PTK2: variants seen among roughly 807,000 people sequenced by gnomAD.
PTK2 encodes the protein focal adhesion kinase 1.
In PTK2, 45 loss-of-function variants were observed where a neutral mutation model predicts 150.1. The ratio of observed to expected loss-of-function variants is 0.30; its 90% CI spans 0.24 to 0.38. The LOEUF (loss-of-function observed/expected upper bound fraction) is 0.38, where lower values mean the gene tolerates loss of function less well. Ranked by LOEUF, PTK2 falls within the 10% of genes least tolerant of loss-of-function variation. PTK2 has a pLI of 1.00. For synonymous variants in PTK2, 432 were observed against 449.2 expected, an observed-to-expected ratio of 0.96 and a Z score of 0.48; for missense variants, 919 against 1,307.3, an observed-to-expected ratio of 0.70 and a Z score of 4.58.
rs75501483 is a variant in PTK2 at position 140,970,362 on chromosome 8, G to A, written c.-122+30763C>T. On this transcript the variant is annotated intron_variant, in intron 1 of 31. Coordinates refer to ENST00000522684, the Ensembl canonical transcript of PTK2. ...CAGAGAAGTGAAACATCAGTTAAGC[G>A]AATAAAAATGTCCAAGAGACATTTC... 4.9e-3 allele frequency among the ~76,000 whole-genome samples: 748 copies of A among 152,326 alleles called. 4 individuals carry two copies. The highest frequency in any genetic ancestry group is 0.01 in the Middle Eastern group (3 of 294).
intron 14 of PTK2, among the ~76,000 whole-genome samples, chr8:140,772,606 C>T (rs191629082): frequency 6.6e-6 from 1 of 152,320 alleles, no homozygotes; most frequent in East Asian, 1.9e-4. Flanking sequence ...TAATTATACT[C>T]TGATCACATA....
chr8:140,692,193 C>T (rs975741343), intron 26 of PTK2, among the ~76,000 whole-genome samples: 4 of 152,140 alleles, frequency 2.6e-5, no homozygotes, highest in African/African-American at 4.8e-5. Context: ...ATAAAATCTA[C>T]TTGTGTTCTG....
intron 1 of PTK2, among the ~76,000 whole-genome samples, chr8:140,958,618 G>A (rs987796348): frequency 4.6e-5 from 7 of 152,340 alleles, no homozygotes; most frequent in African/African-American, 1.7e-4. Context: ...CACTTGAAAT[G>A]TAACTAGGCC....
chr8:140,884,077 T>C (rs1247300211), intron 3 of PTK2, among the ~76,000 whole-genome samples: 1 of 152,092 alleles, frequency 6.6e-6, no homozygotes, highest in Non-Finnish European at 1.5e-5. Flanking sequence ...CCTGCTGCAG[T>C]GAAGGACTCA....
At chr8:140,939,810 CTATT>C (rs1333550121) in intron 1 of PTK2, among the ~76,000 whole-genome samples, 3 of 152,190 alleles carry the variant, frequency 2.0e-5, no homozygotes, top group Admixed American at 6.5e-5. Flanking sequence ...CTGGCATTAA[CTATT>C]TATTAGTGAT....
intron 14 of PTK2, among the ~76,000 whole-genome samples, chr8:140,769,253 C>A (rs114041568): frequency 6.6e-6 from 1 of 152,114 alleles, no homozygotes; most frequent in Admixed American, 6.6e-5. Context: ...AGTGTATGGA[C>A]CGCTACCATT....
intron 30 of PTK2, among the ~76,000 whole-genome samples, chr8:140,667,469 T>C (rs1304852792): frequency 1.2e-5 from 1 of 80,646 alleles, no homozygotes; most frequent in African/African-American, 3.7e-5. Flanking sequence ...TCTCTCTCTT[T>C]TTTTTTTTTT....
intron 16 of PTK2, among the ~76,000 whole-genome samples, chr8:140,757,197 A>C: frequency 6.6e-6 from 1 of 152,272 alleles, no homozygotes; most frequent in Non-Finnish European, 1.5e-5. Context: ...AAGCTCAGAG[A>C]TAATTTAGTT....
At chr8:140,901,726 C>T (rs938866185) in intron 2 of PTK2, among the ~76,000 whole-genome samples, 1 of 149,916 alleles carries the variant, frequency 6.7e-6, no homozygotes, top group Non-Finnish European at 1.5e-5. Flanking sequence ...TGTAGGTATA[C>T]ACATGCCATG....
rs1309535775 is a variant in PTK2, at chr8:140,670,491, ACACACAC to A, written c.2710-2074_2710-2068del. Among the ~76,000 whole-genome samples the A allele has an allele frequency of 4.8e-4, 12 of 24,880 alleles. 2 individuals carry two copies. Among genetic ancestry groups the A allele is most frequent in the African/African-American group, 1.1e-3 (12 of 10,976 alleles). The allele number at this position is 24,880 out of a possible 152,430, so 16.3% of individuals were successfully genotyped here. A position where few individuals can be genotyped will look rare whatever the true frequency, so the allele number is the denominator to read the frequency against. On this transcript the variant is annotated intron_variant, in intron 29 of 31. Transcript: ENST00000522684. ...AAAAAAAAAAAAAAAAAACAACAAC[ACACACAC>A]ACACACACACACACACACACACACA... is the stretch of plus-strand genomic sequence containing the variant.
At chr8:140,922,971 G>A (rs138675497) in intron 2 of PTK2, among the ~76,000 whole-genome samples, 3 of 152,252 alleles carry the variant, frequency 2.0e-5, no homozygotes, top group African/African-American at 7.2e-5. Context: ...TAATGCAGTC[G>A]CAGTGACAGA....
At chr8:140,756,217 G>T (rs1329572801) in intron 16 of PTK2, among the ~76,000 whole-genome samples, 1 of 151,852 alleles carries the variant, frequency 6.6e-6, no homozygotes, top group African/African-American at 2.4e-5. Flanking sequence ...CAGCTAGTTG[G>T]GAGGCTGAGG....
At chr8:140,784,886 T>C (rs2100084007) in intron 14 of PTK2, among the ~76,000 whole-genome samples, 1 of 152,240 alleles carries the variant, frequency 6.6e-6, no homozygotes, top group Admixed American at 6.5e-5. Flanking sequence ...CAACATCAAC[T>C]GTCACTGCAA....
At chr8:140,879,554 C>T in exon 4 of PTK2, 4 of 1,613,658 alleles carry the variant, frequency 2.5e-6, no homozygotes, top group Non-Finnish European at 3.4e-6. Flanking sequence ...AGTGAACCTC[C>T]TCTGACCGCA....
intron 20 of PTK2, among the ~76,000 whole-genome samples, chr8:140,740,528 T>C (rs1329344120): frequency 6.6e-6 from 1 of 152,248 alleles, no homozygotes; most frequent in African/African-American, 2.4e-5. Flanking sequence ...GAAGAATCTC[T>C]AACCTTTTGG....
At chr8:140,863,827 CA>C (rs759505077) in intron 5 of PTK2, among the ~76,000 whole-genome samples, 3 of 151,480 alleles carry the variant, frequency 2.0e-5, no homozygotes, top group East Asian at 3.8e-4. Flanking sequence ...TTTATTAAAG[CA>C]AAAAAAATTA....
chr8:140,752,064 CT>C, intron 17 of PTK2, 167 bp downstream of exon 20: 1 of 706,836 alleles, frequency 1.4e-6, no homozygotes, highest in Non-Finnish European at 2.5e-6. Flanking sequence ...CTGGAAAAAT[CT>C]GTAGATAGGT....
At position 140,659,620 on chromosome 8, in the gene PTK2, T is replaced by C. The variant is rs745602303; in HGVS notation, c.3005A>G (p.Lys1002Arg). ...GGTCATGACATACTGCTGGGCCAGT[T>C]TCATCTTGTTGATGAGCTCACCCAG... The change falls in exon 32 of 32, where the codon AAA becomes AGA. Residue 1002 changes from lysine (K) to arginine (R), a missense_variant. Coordinates refer to ENST00000522684, the Ensembl canonical transcript of PTK2. 15 of 1,614,240 alleles carry C rather than the reference T, an allele frequency of 9.3e-6. No individual in the cohort carries two copies. Among genetic ancestry groups the C allele is most frequent in the Non-Finnish European group, 1.3e-5 (15 of 1,180,042 alleles).
chr8:140,849,970 T>C (rs1377293503), intron 5 of PTK2, among the ~76,000 whole-genome samples: 2 of 152,154 alleles, frequency 1.3e-5, no homozygotes, highest in African/African-American at 2.4e-5. Context: ...CATTTACCCT[T>C]GCATCCCCAG....
Sources: gnomAD v4.1 joint callset for allele counts (sites outside exome capture counted in the v4.1 genomes callset) on GRCh38, gnomAD v4.1.1 for gene constraint, MANE v1.5 for transcripts, NCBI Gene and HGNC (gene_info 2026-07-23, HGNC 2026-07-21) for gene names.